KCNIP1: variants seen among roughly 807,000 people sequenced by gnomAD.
KCNIP1 encodes potassium voltage-gated channel interacting protein 1.
Under a neutral mutation model 33.0 loss-of-function variants are expected in KCNIP1, and 18 were observed. The ratio of observed to expected loss-of-function variants is 0.55; its 90% CI spans 0.38 to 0.81. KCNIP1 has a LOEUF of 0.81. Among genes scored for constraint, KCNIP1 ranks in the 30% least tolerant of loss-of-function variants. The pLI is 0.00. For synonymous variants in KCNIP1, 93 were observed against 98.3 expected (o/e 0.95, Z 0.32); for missense variants, 238 against 271.6 (o/e 0.88, Z 0.87).
intron 1 of KCNIP1, among the ~76,000 whole-genome samples, chr5:170,541,694 A>C (rs1419440971): frequency 1.3e-5 from 2 of 152,122 alleles, no homozygotes; most frequent in Non-Finnish European, 2.9e-5. Context: ...CCAAGCCATA[A>C]TGATAAAGTA....
chr5:170,551,423 G>T (rs545158026), intron 1 of KCNIP1, among the ~76,000 whole-genome samples: 2 of 152,210 alleles, frequency 1.3e-5, no homozygotes, highest in African/African-American at 4.8e-5. Flanking sequence ...TGTTGCAAAC[G>T]TGCAGGGTAA....
intron 1 of KCNIP1, among the ~76,000 whole-genome samples, chr5:170,427,296 A>G (rs996541400): frequency 2.6e-5 from 4 of 152,142 alleles, no homozygotes; most frequent in African/African-American, 9.7e-5. Context: ...GCGGCCTCCA[A>G]CGACCAGGAG....
At chr5:170,559,088 G>A (rs1756943446) in intron 1 of KCNIP1, among the ~76,000 whole-genome samples, 1 of 152,218 alleles carries the variant, frequency 6.6e-6, no homozygotes, top group Admixed American at 6.5e-5. Context: ...ATGAACTACT[G>A]TTGAAAATCC....
intron 1 of KCNIP1, among the ~76,000 whole-genome samples, chr5:170,714,434 A>G (rs749419802): frequency 6.6e-6 from 1 of 152,242 alleles, no homozygotes; most frequent in Non-Finnish European, 1.5e-5. Flanking sequence ...GGTTTAGAAG[A>G]GATCTCCTAT....
chr5:170,709,662 AT>A (rs1464573214), intron 1 of KCNIP1, among the ~76,000 whole-genome samples: 4 of 151,950 alleles, frequency 2.6e-5, no homozygotes, highest in African/African-American at 9.7e-5. Flanking sequence ...CTTTGTGTTT[AT>A]CTTGCTTGGG....
intron 2 of KCNIP1, among the ~76,000 whole-genome samples, chr5:170,719,273 T>G (rs1763739045): frequency 6.6e-6 from 1 of 151,534 alleles, no homozygotes; most frequent in Non-Finnish European, 1.5e-5. Flanking sequence ...AAGCCGAATG[T>G]CGGTGTATTA....
chr5:170,370,899 T>C (rs534780828), intron 1 of KCNIP1, among the ~76,000 whole-genome samples: 1 of 152,262 alleles, frequency 6.6e-6, no homozygotes, highest in African/African-American at 2.4e-5. Context: ...AAAATTTAGT[T>C]AGGTGCCAAG....
chr5:170,612,536 G>T (rs1432071952), intron 1 of KCNIP1, among the ~76,000 whole-genome samples: 2 of 152,176 alleles, frequency 1.3e-5, no homozygotes, highest in Non-Finnish European at 2.9e-5. Context: ...TCTGCCCGCA[G>T]GCTGAAGAGG....
At chr5:170,400,241 C>T (rs1486924190) in intron 1 of KCNIP1, among the ~76,000 whole-genome samples, 1 of 152,102 alleles carries the variant, frequency 6.6e-6, no homozygotes, top group Non-Finnish European at 1.5e-5. Context: ...TTTATAAGCA[C>T]CAGAGGTTTA....
At chr5:170,724,544 T>TTAAC (rs1763942331) in intron 5 of KCNIP1, among the ~76,000 whole-genome samples, 1 of 152,180 alleles carries the variant, frequency 6.6e-6, no homozygotes, top group Non-Finnish European at 1.5e-5. Flanking sequence ...AAAGGAAGAA[T>TTAAC]TAACACTGTC....
At chr5:170,433,286 G>C (rs950267247) in intron 1 of KCNIP1, among the ~76,000 whole-genome samples, 1 of 152,004 alleles carries the variant, frequency 6.6e-6, no homozygotes, top group South Asian at 2.1e-4. Context: ...TCCTGGGTTC[G>C]GGCGATTCTC....
chr5:170,587,361 G>T (rs1304990060), intron 1 of KCNIP1, among the ~76,000 whole-genome samples: 1 of 148,584 alleles, frequency 6.7e-6, no homozygotes, highest in Non-Finnish European at 1.5e-5. Context: ...GGTGGAGGTT[G>T]CAGTGAGCCG....
intron 1 of KCNIP1, among the ~76,000 whole-genome samples, chr5:170,420,013 G>C (rs1755440408): frequency 1.3e-5 from 2 of 152,138 alleles, no homozygotes; most frequent in African/African-American, 2.4e-5. Context: ...CCCGCCCACT[G>C]TTTCTCTTCT....
At chr5:170,372,668 A>G (rs1581119654) in intron 1 of KCNIP1, among the ~76,000 whole-genome samples, 1 of 152,270 alleles carries the variant, frequency 6.6e-6, no homozygotes, top group East Asian at 1.9e-4. Context: ...TCAAGCACCA[A>G]ATATAAAGTG....
chr5:170,619,899 A>G (rs1759536907), intron 1 of KCNIP1, among the ~76,000 whole-genome samples: 2 of 152,098 alleles, frequency 1.3e-5, no homozygotes, highest in South Asian at 4.2e-4. Context: ...GCATCCCCCA[A>G]TCACAGCTCT....
intron 1 of KCNIP1, among the ~76,000 whole-genome samples, chr5:170,658,169 C>G (rs1239612704): frequency 6.6e-6 from 1 of 152,166 alleles, no homozygotes; most frequent in East Asian, 1.9e-4. Flanking sequence ...GTGTCTCAGT[C>G]CCTTTTCTGT....
At chr5:170,551,661 T>C (rs1233960911) in intron 1 of KCNIP1, among the ~76,000 whole-genome samples, 1 of 151,806 alleles carries the variant, frequency 6.6e-6, no homozygotes, top group East Asian at 1.9e-4. Context: ...CTTGAGTGAC[T>C]GTGAGTGGTT....
intron 1 of KCNIP1, among the ~76,000 whole-genome samples, chr5:170,592,248 T>C (rs1238513204): frequency 6.6e-6 from 1 of 152,216 alleles, no homozygotes; most frequent in African/African-American, 2.4e-5. Context: ...TCTTTTCATG[T>C]TCTTACTGAC....
intron 1 of KCNIP1, among the ~76,000 whole-genome samples, chr5:170,477,370 A>G (rs1756880925): frequency 6.6e-6 from 1 of 151,744 alleles, no homozygotes; most frequent in Admixed American, 6.6e-5. Flanking sequence ...ATTTCTTGTT[A>G]AAATCTGAGA....
Sources: allele counts gnomAD v4.1 joint callset (sites outside exome capture counted in the v4.1 genomes callset), GRCh38; gene constraint gnomAD v4.1.1; transcripts MANE v1.5; gene names NCBI Gene and HGNC (gene_info 2026-07-23, HGNC 2026-07-21).